The following ITPRIP variants were observed in gnomAD, a reference collection of about 807,000 sequenced individuals.
The protein encoded by ITPRIP is inositol 1,4,5-trisphosphate receptor-interacting protein.
ITPRIP carries 32 observed loss-of-function variants against 35.8 expected under a neutral mutation model. The ratio of observed to expected loss-of-function variants is 0.89; its 90% CI spans 0.68 to 1.20. The LOEUF is 1.20. Ranked by LOEUF, ITPRIP falls within the 50% of genes most tolerant of loss-of-function variation. The pLI, the probability that ITPRIP is intolerant of heterozygous loss-of-function variation, is 0.00. For synonymous variants in ITPRIP, 358 were observed against 324.0 expected (o/e 1.11, Z -1.13); for missense variants, 653 against 735.6 (o/e 0.89, Z 1.30).
chr10:104,336,093 C>T (rs990646816), intron 1 of ITPRIP, among the ~76,000 whole-genome samples: 3 of 152,164 alleles, frequency 2.0e-5, no homozygotes, highest in African/African-American at 7.2e-5. Context: ...TATGGCTTGG[C>T]TATGTCCACT....
Position 104,313,380 on chromosome 10 carries a change from A to T in ITPRIP, c.*1028T>A, listed in dbSNP as rs932697259. On this transcript the variant is annotated 3_prime_UTR_variant, in exon 2 of 2. Transcript: ENST00000337478. ...ACTTCGCTGCAGGACGCAGGGCCAG[A>T]AGAGGTTGAGAGGCTTGGCTCTGCG... 1 of 986,416 alleles carries T rather than the reference A, an allele frequency of 1.0e-6. No individual in the cohort carries two copies. Among genetic ancestry groups the T allele is most frequent in the Non-Finnish European group, 1.2e-6 (1 of 830,370 alleles). 61.1% of individuals were successfully genotyped at this position (986,416 alleles called of 1,614,324 possible).
rs936953305 is a variant in ITPRIP at position 104,326,410 on chromosome 10, C to T, written c.-13-10346G>A. The T allele has an allele frequency of 6.6e-6, 1 of 152,300 alleles. No individual in the cohort carries two copies. The highest frequency in any genetic ancestry group is 1.5e-5 in the Non-Finnish European group (1 of 68,086). The allele number at this position is 152,300 out of a possible 1,614,324, so 9.4% of individuals were successfully genotyped here. On this transcript the variant is annotated intron_variant, in intron 1 of 1. Coordinates refer to ENST00000337478, the MANE Select transcript of ITPRIP (RefSeq NM_001272013.2). The surrounding 1 kb of genome is among the most constrained non-coding windows in gnomAD (Gnocchi z 4.8). ...CCCTCCGTCCAGCCACTCTGCCTGC[C>T]TCCTCCAGCAGGACATCATAGAAAT...
chr10:104,330,448 T>A (rs1254618767), intron 1 of ITPRIP, among the ~76,000 whole-genome samples: 2 of 152,224 alleles, frequency 1.3e-5, no homozygotes, highest in Admixed American at 6.5e-5. Context: ...CTGGCCTTCA[T>A]GTAACTGCAG....
Position 104,310,146 on chromosome 10 carries a change from TC to T in ITPRIP, c.*4261del, listed in dbSNP as rs1283089925. 1 of 152,116 alleles carries T rather than the reference TC, an allele frequency of 6.6e-6. No individual in the cohort carries two copies. The highest frequency in any genetic ancestry group is 1.5e-5 in the Non-Finnish European group (1 of 68,034). 9.4% of individuals were successfully genotyped at this position (152,116 alleles called of 1,614,324 possible). A position where few individuals can be genotyped will look rare whatever the true frequency, so the allele number is the denominator to read the frequency against. On this transcript the variant is annotated 3_prime_UTR_variant, in exon 2 of 2. Transcript: ENST00000337478. The stretch of plus-strand genomic sequence containing the variant: ...CAAACCAAACAGCCTTCCAGCTCTG[TC>T]CCGTGAGGTGGAGATGAGACGGACC...
intron 1 of ITPRIP, among the ~76,000 whole-genome samples, chr10:104,337,291 G>A (rs1037672612): frequency 1.3e-5 from 2 of 152,116 alleles, no homozygotes; most frequent in East Asian, 1.9e-4. Context: ...AATAGACCGC[G>A]ACCCCGATTT....
chr10:104,313,252 C>T lies in ITPRIP; in HGVS notation c.*1156G>A. ...CTATGACATCCTTGGCCCCTGATCT[C>T]TGCAACTTTCTCTGAACTGGGCCAG... On this transcript the variant is annotated 3_prime_UTR_variant, in exon 2 of 2. Coordinates refer to ENST00000337478, the MANE Select transcript of ITPRIP (RefSeq NM_001272013.2). The T allele has an allele frequency of 1.0e-6, 1 of 985,706 alleles. No homozygotes were observed. 61.1% of individuals were successfully genotyped at this position (985,706 alleles called of 1,614,324 possible).
Position 104,313,864 on chromosome 10 carries a change from C to A in ITPRIP, c.*544G>T. On this transcript the variant is annotated 3_prime_UTR_variant, in exon 2 of 2. Coordinates refer to ENST00000337478, the MANE Select transcript of ITPRIP (RefSeq NM_001272013.2). ...TCCAAATAGTATAAAAAAGTGGCAG[C>A]CATGGTGGGACCACTATTGTGCAGG... 1.0e-6 allele frequency: 1 copy of A among 985,766 alleles called. No homozygotes were observed. Among genetic ancestry groups the A allele is most frequent in the Non-Finnish European group, 1.2e-6 (1 of 830,218 alleles). The allele number at this position is 985,766 out of a possible 1,614,324, so 61.1% of individuals were successfully genotyped here.
At chr10:104,331,847 C>T (rs540081602) in intron 1 of ITPRIP, among the ~76,000 whole-genome samples, 82 of 152,320 alleles carry the variant, frequency 5.4e-4, no homozygotes, top group African/African-American at 1.8e-3. Flanking sequence ...CCAAAGCTCA[C>T]TAGGTCTGCT....
At chr10:104,327,205 C>G (rs1336484295) in intron 1 of ITPRIP, among the ~76,000 whole-genome samples, 1 of 152,108 alleles carries the variant, frequency 6.6e-6, no homozygotes, top group Non-Finnish European at 1.5e-5. Flanking sequence ...GATGGAATCT[C>G]TCTCGTGTGC....
In ITPRIP at chr10:104,315,239, G is replaced by GT. The variant is rs1193451953; in HGVS notation, c.812dup (p.His271GlnfsTer85). Reference sequence around the variant, plus strand: ...AGGGAGGCGCCATGCTGTTCCTGCCGTGCAGGAGACACAGCATGTCTTCCC... The same window carrying GT: ...AGGGAGGCGCCATGCTGTTCCTGCCGTTGCAGGAGACACAGCATGTCTTCCC... On this transcript the variant is annotated frameshift_variant, in exon 2 of 2. Transcript: ENST00000337478. LOFTEE classifies it high-confidence loss of function. The surrounding 1 kb of genome is among the most constrained non-coding windows in gnomAD (Gnocchi z 5.7). The GT allele has an allele frequency of 6.2e-7, 1 of 1,612,788 alleles. No homozygotes were observed. The highest frequency in any genetic ancestry group is 8.5e-7 in the Non-Finnish European group (1 of 1,179,346).
At chr10:104,327,039 C>A in intron 1 of ITPRIP, 1 of 152,406 alleles carries the variant, frequency 6.6e-6, no homozygotes. Flanking sequence ...GTTATGGCCA[C>A]CCCAGGAGAC....
At position 104,315,058 on chromosome 10, in the gene ITPRIP, C is replaced by T. The variant is rs1444308942; in HGVS notation, c.994G>A (p.Gly332Arg). ...GAACGGAACTTGATCTTCAGGGACCCCGGGCTGTCCAGCTGGCCAAAGGCC... is the reference window on the plus strand; with the variant it reads ...GAACGGAACTTGATCTTCAGGGACCTCGGGCTGTCCAGCTGGCCAAAGGCC... ...DLAFGQLDSP[G>R]SLKIKFRSGK... The change falls in exon 2 of 2, where the codon GGG (glycine) becomes AGG (arginine). Residue 332 changes from glycine (G) to arginine (R), a missense_variant. Transcript: ENST00000337478. This position sits in a 1 kb window ranked among gnomAD's most constrained non-coding sequence, Gnocchi z 5.7. The T allele has an allele frequency of 4.3e-6, 7 of 1,614,040 alleles. No individual in the cohort carries two copies. Among genetic ancestry groups the T allele is most frequent in the Non-Finnish European group, 5.9e-6 (7 of 1,180,024 alleles).
At chr10:104,322,241 C>G (rs993611280) in intron 1 of ITPRIP, among the ~76,000 whole-genome samples, 5 of 152,156 alleles carry the variant, frequency 3.3e-5, no homozygotes, top group African/African-American at 1.2e-4. Context: ...TTACTACAAC[C>G]AACCAGGAAC....
rs989732600 is a variant in ITPRIP, at chr10:104,309,788, G to A, written c.*4620C>T. 2 of 152,110 alleles carry A rather than the reference G, an allele frequency of 1.3e-5. No individual in the cohort carries two copies. Among genetic ancestry groups the A allele is most frequent in the African/African-American group, 4.8e-5 (2 of 41,412 alleles). The allele number at this position is 152,110 out of a possible 1,614,324, so 9.4% of individuals were successfully genotyped here. A position where few individuals can be genotyped will look rare whatever the true frequency, so the allele number is the denominator to read the frequency against. On this transcript the variant is annotated 3_prime_UTR_variant, in exon 2 of 2. Transcript: ENST00000337478. ...ACACATACACAGAAAAATTTTGGAA[G>A]GATACACCAAAAACTTCATATTGGT...
At chr10:104,335,058 G>C (rs2014211862) in intron 1 of ITPRIP, among the ~76,000 whole-genome samples, 1 of 152,248 alleles carries the variant, frequency 6.6e-6, no homozygotes, top group African/African-American at 2.4e-5. Context: ...CCCTGGGACA[G>C]GTGACGTGAT....
chr10:104,310,770 CAG>C lies in ITPRIP; in HGVS notation c.*3636_*3637del, dbSNP rs1461868486. Reference sequence around the variant, plus strand: ...CCTGGCCACAGTCCTGGTCATTTTTCAGAGTCTCTATCTGGCAGCGCCCCACC... The same window carrying C: ...CCTGGCCACAGTCCTGGTCATTTTTCAGTCTCTATCTGGCAGCGCCCCACC... On this transcript the variant is annotated 3_prime_UTR_variant, in exon 2 of 2. Coordinates refer to ENST00000337478, the MANE Select transcript of ITPRIP (RefSeq NM_001272013.2). 3 of 152,030 alleles carry C rather than the reference CAG, an allele frequency of 2.0e-5. No individual in the cohort carries two copies. The highest frequency in any genetic ancestry group is 7.3e-5 in the African/African-American group (3 of 41,372). The allele number at this position is 152,030 out of a possible 1,614,324, so 9.4% of individuals were successfully genotyped here. A position where few individuals can be genotyped will look rare whatever the true frequency, so the allele number is the denominator to read the frequency against.
rs2013671121 is a variant in ITPRIP, at chr10:104,315,962, G to T, written c.90C>A (p.Val30=). 6.2e-7 allele frequency: 1 copy of T among 1,613,826 alleles called. No homozygotes were observed. Among genetic ancestry groups the T allele is most frequent in the Non-Finnish European group, 8.5e-7 (1 of 1,179,998 alleles). Residue 30 remains valine (V), a synonymous_variant, in exon 2 of 2, where the codon GTC becomes GTA. Coordinates refer to ENST00000337478, the MANE Select transcript of ITPRIP (RefSeq NM_001272013.2). The surrounding 1 kb of genome is among the most constrained non-coding windows in gnomAD (Gnocchi z 5.7). ...PLLFPRENAT[V]PENEEEIIRK... ...GGATGATCTCCTCCTCGTTCTCGGG[G>T]ACTGTGGCGTTCTCCCGCGGGAACA...
intron 1 of ITPRIP, among the ~76,000 whole-genome samples, chr10:104,337,078 G>A (rs906223956): frequency 6.6e-6 from 1 of 152,172 alleles, no homozygotes; most frequent in African/African-American, 2.4e-5. Context: ...TTAGGCACGA[G>A]GGCTGGAGGG....
intron 1 of ITPRIP, among the ~76,000 whole-genome samples, chr10:104,336,500 G>C (rs1303372307): frequency 1.3e-5 from 2 of 151,106 alleles, no homozygotes; most frequent in African/African-American, 2.4e-5. Context: ...TTTTTGGGGG[G>C]GGGGGGGCAG....
Sources: allele counts gnomAD v4.1 joint callset (sites outside exome capture counted in the v4.1 genomes callset), GRCh38; gene constraint gnomAD v4.1.1; non-coding constraint Gnocchi (gnomAD v3.1); transcripts MANE v1.5; gene names NCBI Gene and HGNC (gene_info 2026-07-23, HGNC 2026-07-21).